ARMC6: variants seen among roughly 807,000 people sequenced by gnomAD.
ARMC6 encodes the protein armadillo repeat containing 6, also known as armadillo repeat-containing protein 6.
ARMC6 carries 43 observed loss-of-function variants against 49.2 expected under a neutral mutation model. The ratio of observed to expected loss-of-function variants is 0.87; its 90% CI spans 0.69 to 1.13. ARMC6 has a LOEUF of 1.13. Ranked by LOEUF, ARMC6 falls within the 50% of genes most tolerant of loss-of-function variation. The pLI, the probability that ARMC6 is intolerant of heterozygous loss-of-function variation, is 0.00. For synonymous variants in ARMC6, 262 were observed against 289.6 expected, an observed-to-expected ratio of 0.90 and a Z score of 0.97; for missense variants, 627 against 682.0, an observed-to-expected ratio of 0.92 and a Z score of 0.90.
intron 2 of ARMC6, among the ~76,000 whole-genome samples, chr19:19,038,940 GAT>G (rs2059391732): frequency 6.7e-6 from 1 of 149,894 alleles, no homozygotes; most frequent in African/African-American, 2.5e-5. Flanking sequence ...TTTTTTAAGA[GAT>G]ATGGTCTCAC....
intron 2 of ARMC6, among the ~76,000 whole-genome samples, chr19:19,037,953 A>G (rs999547066): frequency 6.6e-6 from 1 of 152,208 alleles, no homozygotes; most frequent in Non-Finnish European, 1.5e-5. Flanking sequence ...AGGCAAGCGT[A>G]GGGTGAGCGA....
intron 3 of ARMC6, among the ~76,000 whole-genome samples, chr19:19,043,575 G>A (rs910935808): frequency 7.2e-5 from 11 of 152,154 alleles, no homozygotes; most frequent in African/African-American, 1.4e-4. Flanking sequence ...AAGCAAAAGC[G>A]TCCAGCACTG....
Position 19,055,713 on chromosome 19 carries a change from A to C in ARMC6, c.1156-78A>C. 6.7e-7 allele frequency: 1 copy of C among 1,502,784 alleles called. No individual in the cohort carries two copies. The highest frequency in any genetic ancestry group is 8.9e-7 in the Non-Finnish European group (1 of 1,120,420). 93.1% of individuals were successfully genotyped at this position (1,502,784 alleles called of 1,614,324 possible). ...GAGGGGAGGCCGCAGGGTGTTCACCAGGGGTTGGTGGCCATGGCAGGATGT... is the reference window on the plus strand; with the variant it reads ...GAGGGGAGGCCGCAGGGTGTTCACCCGGGGTTGGTGGCCATGGCAGGATGT... On this transcript the variant is annotated intron_variant, in intron 7 of 8. Coordinates refer to ENST00000535612, the MANE Select transcript of ARMC6 (RefSeq NM_001199196.2). The surrounding 1 kb of genome is among the most constrained non-coding windows in gnomAD (Gnocchi z 5.7).
intron 2 of ARMC6, chr19:19,037,416 A>G (rs2059379569): frequency 4.2e-6 from 1 of 238,150 alleles, no homozygotes; most frequent in Non-Finnish European, 8.5e-6. Flanking sequence ...TTACTTTGTC[A>G]CCCAGGCTGG....
At position 19,057,779 on chromosome 19, in the gene ARMC6, G is replaced by C. The variant is rs754696660; in HGVS notation, c.*151G>C. ...GCCCTAGGTAAAGGGTCGGGGGAGG[G>C]GGGAGCCTTGTAGGGAGGCCTCTAC... On this transcript the variant is annotated 3_prime_UTR_variant, in exon 9 of 9. Coordinates refer to ENST00000535612, the MANE Select transcript of ARMC6 (RefSeq NM_001199196.2). The C allele has an allele frequency of 2.3e-6, 2 of 859,816 alleles. No individual in the cohort carries two copies. The highest frequency in any genetic ancestry group is 3.3e-5 in the African/African-American group (2 of 60,484). 53.3% of individuals were successfully genotyped at this position (859,816 alleles called of 1,614,324 possible).
chr19:19,040,803 A>G (rs757155618), intron 2 of ARMC6: 1 of 427,940 alleles, frequency 2.3e-6, no homozygotes, highest in South Asian at 1.7e-5. Flanking sequence ...GTGAGCCACC[A>G]CACCTGGCCC....
intron 4 of ARMC6, among the ~76,000 whole-genome samples, chr19:19,048,100 A>G (rs1193267242): frequency 6.6e-6 from 1 of 152,118 alleles, no homozygotes; most frequent in African/African-American, 2.4e-5. Flanking sequence ...TAATCCCAGC[A>G]CTTTGGGAGC....
intron 4 of ARMC6, among the ~76,000 whole-genome samples, chr19:19,046,531 G>C (rs1430560961): frequency 6.6e-6 from 1 of 151,380 alleles, no homozygotes; most frequent in Non-Finnish European, 1.5e-5. Flanking sequence ...GTCTCACTCT[G>C]TTGGCCAGGC....
At chr19:19,036,252 G>A (rs2059366373) in intron 2 of ARMC6, among the ~76,000 whole-genome samples, 1 of 152,088 alleles carries the variant, frequency 6.6e-6, no homozygotes, top group African/African-American at 2.4e-5. Flanking sequence ...AGTAGAGACG[G>A]GGTTTCGCCA....
chr19:19,050,663 T>G (rs2059488588), intron 4 of ARMC6, among the ~76,000 whole-genome samples: 1 of 152,260 alleles, frequency 6.6e-6, no homozygotes, highest in South Asian at 2.1e-4. Context: ...TTGTTTTTTG[T>G]TTTTCAGTTC....
In ARMC6 at chr19:19,055,672, T is replaced by A. The variant is rs929546569; in HGVS notation, c.1156-119T>A. 3.6e-6 allele frequency: 5 copies of A among 1,399,398 alleles called. No homozygotes were observed. In the African/African-American group the frequency reaches 5.8e-5, roughly 16 times the overall value. The allele number at this position is 1,399,398 out of a possible 1,614,324, so 86.7% of individuals were successfully genotyped here. A position where few individuals can be genotyped will look rare whatever the true frequency, so the allele number is the denominator to read the frequency against. ...TCACCCTGCCATTATTACACAGGAG[T>A]TGCCAGAGACCCACGGAGGGGAGGC... On this transcript the variant is annotated intron_variant, in intron 7 of 8. Transcript: ENST00000535612. The surrounding 1 kb of genome is among the most constrained non-coding windows in gnomAD (Gnocchi z 5.7).
chr19:19,036,899 T>A (rs1410889780), intron 2 of ARMC6, among the ~76,000 whole-genome samples: 1 of 152,174 alleles, frequency 6.6e-6, no homozygotes, highest in African/African-American at 2.4e-5. Context: ...AAGAAAAGTG[T>A]ATCTGGCTGG....
intron 2 of ARMC6, chr19:19,037,673 C>T (rs2059381937): frequency 8.7e-7 from 1 of 1,154,894 alleles, no homozygotes; most frequent in Non-Finnish European, 1.1e-6. Context: ...TTGATAATTC[C>T]AGAACGGAAA....
chr19:19,045,298 C>T (rs532529888), intron 4 of ARMC6, among the ~76,000 whole-genome samples: 1 of 152,238 alleles, frequency 6.6e-6, no homozygotes, highest in East Asian at 1.9e-4. Context: ...CAGGCATGGG[C>T]CACAGTGCCC....
chr19:19,049,446 A>C (rs983374942), intron 4 of ARMC6, among the ~76,000 whole-genome samples: 1 of 152,154 alleles, frequency 6.6e-6, no homozygotes, highest in Non-Finnish European at 1.5e-5. Flanking sequence ...GCATCCTCAA[A>C]GGCATTTCTG....
intron 5 of ARMC6, among the ~76,000 whole-genome samples, chr19:19,053,691 G>T (rs1022705390): frequency 1.3e-5 from 2 of 152,098 alleles, no homozygotes; most frequent in Admixed American, 1.3e-4. Context: ...CCTGCTTCCT[G>T]GTGCAGCGCC....
rs151323112 is a variant in ARMC6, at chr19:19,057,580, C to G, written c.1458C>G (p.Val486=). Residue 486 remains valine (V), a synonymous_variant, in exon 9 of 9, where the codon GTC becomes GTG. Coordinates refer to ENST00000535612, the MANE Select transcript of ARMC6 (RefSeq NM_001199196.2). Reference sequence around the variant, plus strand: ...CCCTGCGGGACCTGGGTTGTCATGTCGAGCTCCGAGAGCTGTGGACAGGCC... The same window carrying G: ...CCCTGCGGGACCTGGGTTGTCATGTGGAGCTCCGAGAGCTGTGGACAGGCC... The part of the protein sequence containing the change: ...KAALRDLGCH[V]ELRELWTGQR... The G allele has an allele frequency of 8.1e-5, 130 of 1,613,546 alleles. No individual in the cohort carries two copies. The Middle Eastern group carries it at 1.3e-3, about 16-fold the overall frequency.
Position 19,057,632 on chromosome 19 carries a change from C to G in ARMC6, c.*4C>G, listed in dbSNP as rs774943449. Reference sequence around the variant, plus strand: ...GAGGGGCAACCTGGCGCCATGACCCCAGGCCCAGTCTGGGCCGTGACTCTG... The same window carrying G: ...GAGGGGCAACCTGGCGCCATGACCCGAGGCCCAGTCTGGGCCGTGACTCTG... On this transcript the variant is annotated 3_prime_UTR_variant, in exon 9 of 9. Transcript: ENST00000535612. 1.2e-6 allele frequency: 2 copies of G among 1,611,394 alleles called. No individual in the cohort carries two copies. Among genetic ancestry groups the G allele is most frequent in the Non-Finnish European group, 1.7e-6 (2 of 1,179,928 alleles).
chr19:19,053,418 G>C (rs6511014), intron 5 of ARMC6, among the ~76,000 whole-genome samples: 113,639 of 151,982 alleles, frequency 0.75, 42,604 homozygotes, highest in East Asian at 0.89. Context: ...GCCTAGGAAG[G>C]AGAAATTGTG....
Sources: allele counts gnomAD v4.1 joint callset (sites outside exome capture counted in the v4.1 genomes callset), GRCh38; gene constraint gnomAD v4.1.1; non-coding constraint Gnocchi (gnomAD v3.1); transcripts MANE v1.5; gene names NCBI Gene and HGNC (gene_info 2026-07-23, HGNC 2026-07-21).